Variants in TNFRSF11A observed in about 807,000 individuals in gnomAD.
TNFRSF11A encodes the protein tumor necrosis factor receptor superfamily member 11A.
A neutral mutation model predicts 55.7 loss-of-function variants in TNFRSF11A; 32 were observed. The ratio of observed to expected loss-of-function variants is 0.57; its 90% CI spans 0.43 to 0.77. The LOEUF is 0.77. TNFRSF11A is among the 30% of genes least tolerant of loss of function. The probability of loss-of-function intolerance (pLI) is 0.00; values close to 1 mark genes in which losing one functional copy is unlikely to be tolerated. For missense variants in TNFRSF11A, 753 were observed against 809.8 expected (o/e 0.93, Z 0.85); for synonymous variants, 311 against 331.0 (o/e 0.94, Z 0.65).
At chr18:62,374,797 C>A in intron 9 of TNFRSF11A, among the ~76,000 whole-genome samples, 1 of 152,288 alleles carries the variant, frequency 6.6e-6, no homozygotes, top group Middle Eastern at 3.4e-3. Flanking sequence ...ATCACTGATT[C>A]ATTGTTTCTG....
chr18:62,375,987 T>C (rs1381387258), intron 9 of TNFRSF11A, among the ~76,000 whole-genome samples: 2 of 152,184 alleles, frequency 1.3e-5, no homozygotes, highest in Non-Finnish European at 2.9e-5. Context: ...TCAGTGCAAG[T>C]GATGCTGATT....
At position 62,388,358 on chromosome 18, in the gene TNFRSF11A, G is replaced by T. The variant is rs1911865191; in HGVS notation, c.*3324G>T. 6.6e-6 allele frequency: 1 copy of T among 152,250 alleles called. No homozygotes were observed. Among genetic ancestry groups the T allele is most frequent in the Non-Finnish European group, 1.5e-5 (1 of 68,074 alleles). The allele number at this position is 152,250 out of a possible 1,614,324, so 9.4% of individuals were successfully genotyped here. ...TTGAGGCCTAGGCTCTAACTGGCAT[G>T]CTGTCACTTCTGCCACATTCTGTGG... On this transcript the variant is annotated 3_prime_UTR_variant, in exon 10 of 10. Transcript: ENST00000586569.
chr18:62,336,757 AG>A (rs1253631817), intron 1 of TNFRSF11A: 1 of 152,244 alleles, frequency 6.6e-6, no homozygotes, highest in African/African-American at 2.4e-5. Flanking sequence ...CTTGGATTCC[AG>A]GTAGCCCAGG....
intron 9 of TNFRSF11A, among the ~76,000 whole-genome samples, chr18:62,377,116 T>C (rs1275488902): frequency 1.3e-5 from 2 of 152,140 alleles, no homozygotes; most frequent in Non-Finnish European, 2.9e-5. Context: ...GGGGTTTCAC[T>C]GTGTTAGCCA....
chr18:62,385,598 A>C lies in TNFRSF11A; in HGVS notation c.*564A>C. 6.7e-6 allele frequency: 1 copy of C among 149,818 alleles called. No individual in the cohort carries two copies. The highest frequency in any genetic ancestry group is 1.5e-5 in the Non-Finnish European group (1 of 67,534). The allele number at this position is 149,818 out of a possible 1,614,324, so 9.3% of individuals were successfully genotyped here. A position where few individuals can be genotyped will look rare whatever the true frequency, so the allele number is the denominator to read the frequency against. The stretch of plus-strand genomic sequence containing the variant: ...CTCAAGCAATCCAAGTGATCCTCCC[A>C]CCTCAACCTTCGGAGTAGCTGGGAT... On this transcript the variant is annotated 3_prime_UTR_variant, in exon 10 of 10. Transcript: ENST00000586569.
intron 7 of TNFRSF11A, among the ~76,000 whole-genome samples, chr18:62,364,548 G>A (rs750624024): frequency 1.2e-4 from 19 of 152,266 alleles, no homozygotes; most frequent in African/African-American, 4.1e-4. Flanking sequence ...TATCAGCTCC[G>A]TGGACAGGTA....
chr18:62,374,547 T>C (rs1388438255), intron 9 of TNFRSF11A, among the ~76,000 whole-genome samples: 1 of 152,242 alleles, frequency 6.6e-6, no homozygotes, highest in Non-Finnish European at 1.5e-5. Context: ...CATTACAATT[T>C]GGTGGTATTA....
chr18:62,341,838 T>G (rs1254223739), intron 1 of TNFRSF11A, among the ~76,000 whole-genome samples: 6 of 147,376 alleles, frequency 4.1e-5, no homozygotes, highest in Admixed American at 6.7e-5. Context: ...GAGAATGGCT[T>G]TTTTTTTTTT....
chr18:62,352,661 G>A (rs1340467992), intron 3 of TNFRSF11A, among the ~76,000 whole-genome samples: 1 of 152,230 alleles, frequency 6.6e-6, no homozygotes. Flanking sequence ...CCTAGGAGTA[G>A]TTGGAATTTT....
At position 62,369,018 on chromosome 18, in the gene TNFRSF11A, A is replaced by G. The variant is rs1910310079; in HGVS notation, c.1101A>G (p.Gly367=). 6.2e-7 allele frequency: 1 copy of G among 1,614,258 alleles called. No individual in the cohort carries two copies. Among genetic ancestry groups the G allele is most frequent in the Admixed American group, 1.7e-5 (1 of 60,030 alleles). ...AGTTACTGTTCCTCACTGAGCCTGG[A>G]AGCAAATCCACACCTCCTTTCTCTG... is the stretch of plus-strand genomic sequence containing the variant. ...TDQLLFLTEP[G]SKSTPPFSEP... Residue 367 remains glycine, a synonymous_variant, in exon 9 of 10, where the codon GGA becomes GGG. Transcript: ENST00000586569.
At chr18:62,365,786 A>G (rs1910037306) in intron 7 of TNFRSF11A, among the ~76,000 whole-genome samples, 1 of 152,066 alleles carries the variant, frequency 6.6e-6, no homozygotes, top group African/African-American at 2.4e-5. Context: ...ATGGCTTCAT[A>G]GCCTTTATTT....
At chr18:62,355,082 A>G (rs2145311435) in intron 4 of TNFRSF11A, among the ~76,000 whole-genome samples, 1 of 152,296 alleles carries the variant, frequency 6.6e-6, no homozygotes, top group South Asian at 2.1e-4. Flanking sequence ...TCATTTTTAA[A>G]TGCGCCAATT....
At chr18:62,335,925 C>T (rs1397915030) in intron 1 of TNFRSF11A, among the ~76,000 whole-genome samples, 2 of 152,186 alleles carry the variant, frequency 1.3e-5, no homozygotes, top group Admixed American at 1.3e-4. Flanking sequence ...GTTCCAGTCT[C>T]CTTATCACCA....
At chr18:62,345,865 C>T (rs748388458) in intron 1 of TNFRSF11A, among the ~76,000 whole-genome samples, 12 of 152,178 alleles carry the variant, frequency 7.9e-5, no homozygotes, top group Non-Finnish European at 1.5e-4. Context: ...CTGGTCATTT[C>T]TGGAAGCAGT....
intron 2 of TNFRSF11A, among the ~76,000 whole-genome samples, chr18:62,348,733 C>G (rs1196294065): frequency 6.6e-6 from 1 of 152,198 alleles, no homozygotes; most frequent in Non-Finnish European, 1.5e-5. Context: ...ACCACCTGCC[C>G]CAAGTTGTTC....
chr18:62,361,596 G>T (rs541813708), intron 6 of TNFRSF11A, 84 bp from the exon 7 acceptor site: 1 of 1,329,648 alleles, frequency 7.5e-7, no homozygotes. Flanking sequence ...TTGATTCTGA[G>T]GTTTGATTTA....
At chr18:62,355,210 A>C (rs1026927773) in intron 4 of TNFRSF11A, among the ~76,000 whole-genome samples, 7 of 152,260 alleles carry the variant, frequency 4.6e-5, no homozygotes, top group African/African-American at 1.7e-4. Flanking sequence ...GGTTTTTACT[A>C]ATCACCTTTT....
At chr18:62,346,077 C>T (rs972364429) in intron 1 of TNFRSF11A, among the ~76,000 whole-genome samples, 2 of 152,180 alleles carry the variant, frequency 1.3e-5, no homozygotes, top group Admixed American at 6.5e-5. Context: ...TCAGGGATAT[C>T]CCATTTACCA....
intron 1 of TNFRSF11A, among the ~76,000 whole-genome samples, chr18:62,337,260 T>C (rs1277079639): frequency 6.6e-6 from 1 of 152,216 alleles, no homozygotes; most frequent in Non-Finnish European, 1.5e-5. Flanking sequence ...TTTTATGTTA[T>C]GTGTATTTTA....
Sources: allele counts gnomAD v4.1 joint callset (sites outside exome capture counted in the v4.1 genomes callset), GRCh38; gene constraint gnomAD v4.1.1; transcripts MANE v1.5; gene names NCBI Gene and HGNC (gene_info 2026-07-23, HGNC 2026-07-21).